The following PRKCQ variants were observed in gnomAD, a reference collection of about 807,000 sequenced individuals.
PRKCQ encodes the protein protein kinase C theta.
In PRKCQ, 41 loss-of-function variants were observed where a neutral mutation model predicts 91.2. The ratio of observed to expected loss-of-function variants is 0.45; its 90% CI spans 0.35 to 0.58. PRKCQ has a LOEUF of 0.58. Ranked by LOEUF, PRKCQ falls within the 20% of genes least tolerant of loss-of-function variation. The pLI is 0.00. For synonymous variants in PRKCQ, 307 were observed against 316.9 expected (o/e 0.97, Z 0.33); for missense variants, 673 against 896.5 (o/e 0.75, Z 3.18).
chr10:6,440,043 T>G (rs1468207378), intron 16 of PRKCQ, among the ~76,000 whole-genome samples: 1 of 152,196 alleles, frequency 6.6e-6, no homozygotes, highest in Non-Finnish European at 1.5e-5. Flanking sequence ...GCTGTTCTTA[T>G]GATAGTGAGA....
At chr10:6,394,916 G>A in the PRKCQ span, among the ~76,000 whole-genome samples, 96 of 152,236 alleles carry the variant, frequency 6.3e-4, 1 homozygote, top group African/African-American at 2.0e-3. Context: ...GTGCCGGAAC[G>A]GTGCGACCTT....
chr10:6,395,446 A>G, the PRKCQ span, among the ~76,000 whole-genome samples: 150,674 of 152,128 alleles, frequency 0.99, 74,625 homozygotes, highest in East Asian at 1. Flanking sequence ...GTAAATGGGG[A>G]GAAGGCTCCT....
the PRKCQ span, among the ~76,000 whole-genome samples, chr10:6,414,319 C>T: frequency 6.6e-6 from 1 of 152,144 alleles, no homozygotes; most frequent in African/African-American, 2.4e-5. Flanking sequence ...GTACCAATTT[C>T]CAAGTAACTT....
chr10:6,557,822 C>T (rs375291440), intron 1 of PRKCQ, among the ~76,000 whole-genome samples: 2 of 152,202 alleles, frequency 1.3e-5, no homozygotes, highest in South Asian at 4.1e-4. Flanking sequence ...AATGGAATTA[C>T]CACTTACTGA....
Position 6,576,552 on chromosome 10 carries a change from G to T in PRKCQ, c.-10+3659C>A, listed in dbSNP as rs539990750. 2.0e-5 allele frequency among the ~76,000 whole-genome samples: 3 copies of T among 152,296 alleles called. No homozygotes were observed. The highest frequency in any genetic ancestry group is 7.2e-5 in the African/African-American group (3 of 41,572). ...CTGCCAGGGGCTGAGAGGAAAGACGGATGAGGAACGAATGTTCCACGAGGA... is the reference window on the plus strand; with the variant it reads ...CTGCCAGGGGCTGAGAGGAAAGACGTATGAGGAACGAATGTTCCACGAGGA... On this transcript the variant is annotated intron_variant, in intron 1 of 17. Transcript: ENST00000263125. The surrounding 1 kb of genome is among the most constrained non-coding windows in gnomAD (Gnocchi z 4.2).
At chr10:6,568,944 C>T (rs963570190) in intron 1 of PRKCQ, among the ~76,000 whole-genome samples, 1 of 152,100 alleles carries the variant, frequency 6.6e-6, no homozygotes, top group Non-Finnish European at 1.5e-5. Context: ...ACATTTCCCA[C>T]CCCCTTCAGC....
At chr10:6,532,219 CG>C in intron 1 of PRKCQ, among the ~76,000 whole-genome samples, 1 of 152,208 alleles carries the variant, frequency 6.6e-6, no homozygotes, top group Non-Finnish European at 1.5e-5. Flanking sequence ...AGCCAGTGGC[CG>C]GGTGAAATGC....
intron 12 of PRKCQ, among the ~76,000 whole-genome samples, chr10:6,472,610 T>C (rs1161004310): frequency 6.6e-6 from 1 of 152,236 alleles, no homozygotes; most frequent in East Asian, 1.9e-4. Context: ...ACAACTTCTG[T>C]TTCTCAGATT....
chr10:6,451,559 C>T (rs961475028), intron 15 of PRKCQ, among the ~76,000 whole-genome samples: 1 of 152,138 alleles, frequency 6.6e-6, no homozygotes, highest in Non-Finnish European at 1.5e-5. Context: ...AAAAGGGAAT[C>T]CTCCTTAACT....
At chr10:6,565,825 C>T (rs568525334) in intron 1 of PRKCQ, among the ~76,000 whole-genome samples, 4 of 152,328 alleles carry the variant, frequency 2.6e-5, no homozygotes, top group South Asian at 4.1e-4. Context: ...ATTGCAAAAC[C>T]ACAATTACTT....
intron 15 of PRKCQ, among the ~76,000 whole-genome samples, chr10:6,447,278 G>A (rs977884715): frequency 4.0e-5 from 6 of 151,870 alleles, no homozygotes; most frequent in South Asian, 4.2e-4. Flanking sequence ...ATGGTGGCAC[G>A]CGCCTGTAGT....
chr10:6,510,444 T>C (rs1418931168), intron 3 of PRKCQ, among the ~76,000 whole-genome samples: 1 of 152,228 alleles, frequency 6.6e-6, no homozygotes, highest in Non-Finnish European at 1.5e-5. Context: ...TGGATCTTTG[T>C]TCTATCCTCT....
At chr10:6,491,471 CT>C (rs985588723) in intron 8 of PRKCQ, among the ~76,000 whole-genome samples, 1 of 152,138 alleles carries the variant, frequency 6.6e-6, no homozygotes, top group Non-Finnish European at 1.5e-5. Flanking sequence ...CTGTTGTGCT[CT>C]TTTCTGGGAT....
rs143522108 is a variant in PRKCQ at position 6,569,134 on chromosome 10, A to T, written c.-10+11077T>A. On this transcript the variant is annotated intron_variant, in intron 1 of 17. Transcript: ENST00000263125. ...TCTAAAATATATGACTCATTTATTT[A>T]TCCCACTAATATTTACTGAGCACCT... is the stretch of plus-strand genomic sequence containing the variant. 3.3e-5 allele frequency among the ~76,000 whole-genome samples: 5 copies of T among 152,308 alleles called. No homozygotes were observed. The East Asian group carries it at 9.7e-4, about 29-fold the overall frequency.
chr10:6,477,509 C>T (rs1836332883), intron 12 of PRKCQ, among the ~76,000 whole-genome samples: 1 of 152,206 alleles, frequency 6.6e-6, no homozygotes, highest in African/African-American at 2.4e-5. Context: ...TAATTCTTCC[C>T]ATGGCTCAAG....
intron 1 of PRKCQ, among the ~76,000 whole-genome samples, chr10:6,559,629 G>A (rs1161546681): frequency 1.3e-5 from 2 of 152,192 alleles, no homozygotes; most frequent in Non-Finnish European, 2.9e-5. Flanking sequence ...AAAGTGCTGA[G>A]ATTACAGGTG....
intron 1 of PRKCQ, among the ~76,000 whole-genome samples, chr10:6,544,340 CTGTTTAATGACCT>C (rs1401560189): frequency 6.6e-6 from 1 of 152,158 alleles, no homozygotes; most frequent in Non-Finnish European, 1.5e-5. Context: ...GGAGATTTGT[CTGTTTAATGACCT>C]GGTCACACTG....
At position 6,458,114 on chromosome 10, in the gene PRKCQ, T is replaced by C. The variant is rs534692110; in HGVS notation, c.1509-1302A>G. On this transcript the variant is annotated intron_variant, in intron 14 of 17. Coordinates refer to ENST00000263125, the MANE Select transcript of PRKCQ (RefSeq NM_006257.5). ...CATGCCTGGCTAATTTTTAAAATTT[T>C]TTGTAGAGACAAGGTCTCACTATGT... Among the ~76,000 whole-genome samples the C allele has an allele frequency of 6.2e-4, 94 of 152,300 alleles. 1 individual carries two copies. Among genetic ancestry groups the C allele is most frequent in the African/African-American group, 2.1e-3 (87 of 41,570 alleles).
At position 6,515,029 on chromosome 10, in the gene PRKCQ, T is replaced by C; in HGVS notation, c.107A>G (p.Tyr36Cys). 2 of 1,613,600 alleles carry C rather than the reference T, an allele frequency of 1.2e-6. No homozygotes were observed. The highest frequency in any genetic ancestry group is 1.1e-5 in the South Asian group (1 of 91,028). The change falls in exon 2 of 18, where the codon TAT becomes TGT. Residue 36 changes from tyrosine to cysteine, a missense_variant. Physicochemically the swap from Tyr to Cys is radical, Grantham distance 194 (BLOSUM62 -2). Coordinates refer to ENST00000263125, the MANE Select transcript of PRKCQ (RefSeq NM_006257.5). ...NPYCAVLVKE[Y>C]VESENGQMYI... Reference sequence around the variant, plus strand: ...CCCCTCAAGCTTACCTGATTCGACATACTCTTTGACGAGCACAGCACAGTA... The same window carrying C: ...CCCCTCAAGCTTACCTGATTCGACACACTCTTTGACGAGCACAGCACAGTA...
Sources: gnomAD v4.1 joint callset for allele counts (sites outside exome capture counted in the v4.1 genomes callset) on GRCh38, gnomAD v4.1.1 for gene constraint, Gnocchi (gnomAD v3.1) non-coding constraint, MANE v1.5 for transcripts, NCBI Gene and HGNC (gene_info 2026-07-23, HGNC 2026-07-21) for gene names.